The following NUDCD1 variants were observed in gnomAD, a reference collection of about 807,000 sequenced individuals.
The protein encoded by NUDCD1 is nudC domain-containing protein 1.
NUDCD1 carries 60 observed loss-of-function variants against 67.8 expected under a neutral mutation model. The ratio of observed to expected loss-of-function variants is 0.88; its 90% CI spans 0.72 to 1.10. The LOEUF is 1.10. Among genes scored for constraint, NUDCD1 ranks in the 50% least tolerant of loss-of-function variants. NUDCD1 has a pLI of 0.00. For missense variants in NUDCD1, 643 were observed against 695.0 expected (o/e 0.93, Z 0.84); for synonymous variants, 244 against 230.8 (o/e 1.06, Z -0.52).
At position 109,241,279 on chromosome 8, in the gene NUDCD1, C is replaced by T. The variant is rs1259452028; in HGVS notation, c.*1730G>A. ...CTAAAATTGGCAATATATACATAGT[C>T]ATGGTTAATTAAGCACCACATTTTT... On this transcript the variant is annotated 3_prime_UTR_variant, in exon 10 of 10. Coordinates refer to ENST00000239690, the MANE Select transcript of NUDCD1 (RefSeq NM_032869.4). The T allele has an allele frequency of 1.3e-5, 2 of 152,128 alleles. No homozygotes were observed. Among genetic ancestry groups the T allele is most frequent in the East Asian group, 3.8e-4 (2 of 5,202 alleles). The allele number at this position is 152,128 out of a possible 1,614,324, so 9.4% of individuals were successfully genotyped here. A position where few individuals can be genotyped will look rare whatever the true frequency, so the allele number is the denominator to read the frequency against.
chr8:109,329,912 T>C, intron 1 of NUDCD1: 2 of 1,536,778 alleles, frequency 1.3e-6, no homozygotes, highest in Non-Finnish European at 1.8e-6. Flanking sequence ...TGCTACGAAG[T>C]ATGATAAAGT....
intron 2 of NUDCD1, among the ~76,000 whole-genome samples, chr8:109,300,726 T>A (rs1417538137): frequency 6.6e-6 from 1 of 152,082 alleles, no homozygotes; most frequent in Non-Finnish European, 1.5e-5. Context: ...TACCTAGACA[T>A]CCAAATACAA....
rs770364923 is a variant in NUDCD1 at position 109,243,280 on chromosome 8, CT to C, written c.1480del (p.Arg494GlufsTer46). ...AGCACAGGCAAAAAATTTTTTGTCT[CT>C]CTTTGATGCTTGGACATAGCCTGCC... ...NALGYVQASK[R>X]DKKFFACAPN... On this transcript the variant is annotated frameshift_variant, in exon 10 of 10. Transcript: ENST00000239690. LOFTEE classifies it high-confidence loss of function. 6.9e-6 allele frequency: 11 copies of C among 1,595,800 alleles called. No homozygotes were observed. The South Asian group carries it at 1.2e-4, about 18-fold the overall frequency.
chr8:109,264,945 A>G (rs935923426), intron 8 of NUDCD1, among the ~76,000 whole-genome samples: 2 of 151,892 alleles, frequency 1.3e-5, no homozygotes, highest in Non-Finnish European at 2.9e-5. Flanking sequence ...TATTTAAAAA[A>G]ATTCTTAATT....
At chr8:109,303,623 A>G (rs1815039296) in intron 2 of NUDCD1, among the ~76,000 whole-genome samples, 1 of 142,224 alleles carries the variant, frequency 7.0e-6, no homozygotes, top group Admixed American at 7.1e-5. Context: ...GGCTACAGCC[A>G]CCCCTCATTG....
intron 3 of NUDCD1, among the ~76,000 whole-genome samples, chr8:109,295,486 G>A (rs1290430702): frequency 6.6e-6 from 1 of 152,074 alleles, no homozygotes; most frequent in African/African-American, 2.4e-5. Context: ...GTTATTTACT[G>A]TGTATTTTGA....
rs747370821 is a variant in NUDCD1, at chr8:109,243,306, C to A, written c.1460-5G>T. The A allele has an allele frequency of 3.2e-6, 5 of 1,556,510 alleles. No individual in the cohort carries two copies. The highest frequency in any genetic ancestry group is 1.2e-5 in the South Asian group (1 of 83,030). ...TCTTTGATGCTTGGACATAGCCTGC[C>A]AAGAATATGAGACAAACAAAAGAAA... On this transcript the variant is annotated splice_region_variant and splice_polypyrimidine_tract_variant and intron_variant, in intron 9 of 9. Coordinates refer to ENST00000239690, the MANE Select transcript of NUDCD1 (RefSeq NM_032869.4).
intron 1 of NUDCD1, among the ~76,000 whole-genome samples, chr8:109,332,304 G>T (rs539906356): frequency 3.9e-5 from 6 of 152,250 alleles, no homozygotes; most frequent in African/African-American, 1.4e-4. Context: ...TTGGATTAGG[G>T]TGGAGGCCTA....
At chr8:109,273,713 T>C (rs897620887) in intron 7 of NUDCD1, among the ~76,000 whole-genome samples, 1 of 152,094 alleles carries the variant, frequency 6.6e-6, no homozygotes, top group African/African-American at 2.4e-5. Context: ...AGGTCCAGAT[T>C]GTTTTACTGA....
At chr8:109,245,545 G>A (rs1813475339) in intron 8 of NUDCD1, 64 bp from the exon 9 acceptor site, 2 of 1,302,628 alleles carry the variant, frequency 1.5e-6, no homozygotes, top group African/African-American at 1.5e-5. Flanking sequence ...AATAACAATG[G>A]CAGAAGCTGA....
intron 1 of NUDCD1, among the ~76,000 whole-genome samples, chr8:109,331,669 T>G (rs1815811822): frequency 6.6e-6 from 1 of 152,206 alleles, no homozygotes. Flanking sequence ...TTCAATGGAT[T>G]GTTTATTGTG....
At chr8:109,265,426 T>C (rs1259230291) in intron 8 of NUDCD1, among the ~76,000 whole-genome samples, 2 of 152,214 alleles carry the variant, frequency 1.3e-5, no homozygotes, top group East Asian at 3.8e-4. Context: ...TACACTATTA[T>C]AAATGCTCTA....
intron 8 of NUDCD1, among the ~76,000 whole-genome samples, chr8:109,265,508 C>T (rs1295654158): frequency 6.6e-6 from 1 of 152,160 alleles, no homozygotes; most frequent in African/African-American, 2.4e-5. Flanking sequence ...TTTCCTACTT[C>T]CTTTCATAAT....
At chr8:109,284,939 AAG>A (rs1257725283) in intron 5 of NUDCD1, among the ~76,000 whole-genome samples, 6 of 151,992 alleles carry the variant, frequency 3.9e-5, no homozygotes, top group African/African-American at 1.4e-4. Context: ...TTAACAAAAA[AAG>A]AGAAGATGCA....
chr8:109,251,243 G>A (rs1813617836), intron 8 of NUDCD1, among the ~76,000 whole-genome samples: 2 of 145,908 alleles, frequency 1.4e-5, no homozygotes, highest in Non-Finnish European at 3.0e-5. Context: ...ACACAGTCTC[G>A]GCTCACTGCA....
intron 2 of NUDCD1, among the ~76,000 whole-genome samples, chr8:109,303,000 T>G (rs1815024898): frequency 6.6e-6 from 1 of 152,198 alleles, no homozygotes; most frequent in African/African-American, 2.4e-5. Flanking sequence ...CCAGCCACAT[T>G]TCCAGCACAC....
At chr8:109,264,382 C>A (rs988923737) in intron 8 of NUDCD1, among the ~76,000 whole-genome samples, 1 of 152,120 alleles carries the variant, frequency 6.6e-6, no homozygotes, top group Non-Finnish European at 1.5e-5. Context: ...TAATAGCCTG[C>A]CAATCCTTAA....
intron 2 of NUDCD1, among the ~76,000 whole-genome samples, chr8:109,306,257 G>C (rs557903220): frequency 1.4e-4 from 22 of 152,120 alleles, no homozygotes; most frequent in African/African-American, 4.6e-4. Context: ...TTGCTGACAG[G>C]TTACACTCCA....
chr8:109,302,498 G>A (rs1251176202), intron 2 of NUDCD1, among the ~76,000 whole-genome samples: 2 of 151,990 alleles, frequency 1.3e-5, no homozygotes, highest in African/African-American at 4.8e-5. Context: ...TGCCTCGCCA[G>A]GCCAAGCCAG....
Sources: allele counts gnomAD v4.1 joint callset (sites outside exome capture counted in the v4.1 genomes callset), GRCh38; gene constraint gnomAD v4.1.1; transcripts MANE v1.5; gene names NCBI Gene and HGNC (gene_info 2026-07-23, HGNC 2026-07-21).